NRG3: variants seen among roughly 807,000 people sequenced by gnomAD.
NRG3 encodes the protein pro-neuregulin-3, membrane-bound isoform.
A neutral mutation model predicts 66.9 loss-of-function variants in NRG3; 31 were observed. The ratio of observed to expected loss-of-function variants is 0.46; its 90% CI spans 0.35 to 0.63. NRG3 has a LOEUF of 0.63. Among genes scored for constraint, NRG3 ranks in the 20% least tolerant of loss-of-function variants. NRG3 has a pLI of 0.00. For missense variants in NRG3, 910 were observed against 878.9 expected (o/e 1.04, Z -0.45); for synonymous variants, 393 against 359.4 (o/e 1.09, Z -1.06).
At chr10:81,953,806 G>A (rs1849585060) in intron 1 of NRG3, among the ~76,000 whole-genome samples, 1 of 152,152 alleles carries the variant, frequency 6.6e-6, no homozygotes. Flanking sequence ...AATGAAAGCA[G>A]AACTTTTTCA....
At chr10:82,601,773 G>C (rs941567710) in intron 2 of NRG3, among the ~76,000 whole-genome samples, 6 of 150,156 alleles carry the variant, frequency 4.0e-5, no homozygotes, top group Non-Finnish European at 8.9e-5. Flanking sequence ...ACTTTGGGAG[G>C]TCGAGGCGGA....
rs373457036 is a variant in NRG3, at chr10:82,813,322, T to C, written c.1028-52089T>C. Among the ~76,000 whole-genome samples the C allele has an allele frequency of 4.0e-5, 6 of 150,968 alleles. No homozygotes were observed. In the East Asian group the frequency reaches 8.0e-4, roughly 20 times the overall value. On this transcript the variant is annotated intron_variant, in intron 3 of 8. Coordinates refer to ENST00000372141, the MANE Select transcript of NRG3 (RefSeq NM_001010848.4). Reference sequence around the variant, plus strand: ...TCTTCCTCCCAGGCTCAAGTGATTCTCCTGCCTCAGCCTCCTGAGTAGCTG... The same window carrying C: ...TCTTCCTCCCAGGCTCAAGTGATTCCCCTGCCTCAGCCTCCTGAGTAGCTG...
At chr10:82,170,694 A>ATG (rs2072536165) in intron 1 of NRG3, among the ~76,000 whole-genome samples, 1 of 137,398 alleles carries the variant, frequency 7.3e-6, no homozygotes, top group African/African-American at 2.6e-5. Flanking sequence ...ATATATATAT[A>ATG]TATGTAAATA....
intron 2 of NRG3, among the ~76,000 whole-genome samples, chr10:82,715,884 A>G (rs1459131011): frequency 1.3e-5 from 2 of 152,000 alleles, no homozygotes; most frequent in East Asian, 1.9e-4. Context: ...CAGACTACCA[A>G]CTTCTCCTTG....
rs141221416 is a variant in NRG3 at position 82,760,142 on chromosome 10, A to G, written c.1027+21492A>G. Among the ~76,000 whole-genome samples, 496 of 152,240 alleles carry G rather than the reference A, an allele frequency of 3.3e-3. 4 individuals are homozygous for G. Among genetic ancestry groups the G allele is most frequent in the African/African-American group, 0.012 (484 of 41,564 alleles). On this transcript the variant is annotated intron_variant, in intron 3 of 8. Coordinates refer to ENST00000372141, the MANE Select transcript of NRG3 (RefSeq NM_001010848.4). ...GAGGTTTAATTTACTCTCAGCATGT[A>G]GCATGGGAACCTTTTTGCCTGAGTT...
chr10:82,667,582 G>A (rs1024192352), intron 2 of NRG3, among the ~76,000 whole-genome samples: 21 of 152,116 alleles, frequency 1.4e-4, no homozygotes, highest in Non-Finnish European at 2.6e-4. Flanking sequence ...ATGACGAAAG[G>A]AGAGGAGAAT....
chr10:82,854,709 A>G (rs1172743428), intron 3 of NRG3, among the ~76,000 whole-genome samples: 1 of 152,154 alleles, frequency 6.6e-6, no homozygotes, highest in South Asian at 2.1e-4. Flanking sequence ...ATGTGAGTTC[A>G]TCTTGTCTTA....
At chr10:82,110,990 T>C (rs940996788) in intron 1 of NRG3, among the ~76,000 whole-genome samples, 1 of 152,196 alleles carries the variant, frequency 6.6e-6, no homozygotes, top group African/African-American at 2.4e-5. Flanking sequence ...AAGAGGATTA[T>C]AGGAATTCTC....
chr10:82,758,503 T>C (rs1221340128), intron 3 of NRG3, among the ~76,000 whole-genome samples: 1 of 152,090 alleles, frequency 6.6e-6, no homozygotes, highest in African/African-American at 2.4e-5. Context: ...TATGAATAAA[T>C]GTATGACATC....
At chr10:82,200,324 C>T (rs1377826165) in intron 1 of NRG3, among the ~76,000 whole-genome samples, 1 of 152,132 alleles carries the variant, frequency 6.6e-6, no homozygotes, top group East Asian at 1.9e-4. Context: ...TCCTGACACA[C>T]TGATATGAAC....
intron 1 of NRG3, among the ~76,000 whole-genome samples, chr10:82,199,361 T>G (rs2074646386): frequency 6.6e-6 from 1 of 152,166 alleles, no homozygotes; most frequent in Non-Finnish European, 1.5e-5. Context: ...CTTCTCTCCC[T>G]GCACTCTAAT....
chr10:82,472,378 G>A (rs1027856137), intron 2 of NRG3, among the ~76,000 whole-genome samples: 3 of 152,324 alleles, frequency 2.0e-5, no homozygotes, highest in African/African-American at 4.8e-5. Context: ...AGCTTCACAG[G>A]TATATAAGTG....
intron 2 of NRG3, among the ~76,000 whole-genome samples, chr10:82,495,352 C>T (rs1386303360): frequency 6.6e-6 from 1 of 152,086 alleles, no homozygotes; most frequent in African/African-American, 2.4e-5. Flanking sequence ...TAGGATTTTT[C>T]ATTGAGAAAA....
intron 1 of NRG3, among the ~76,000 whole-genome samples, chr10:82,136,988 C>A (rs774185691): frequency 6.6e-6 from 1 of 152,208 alleles, no homozygotes; most frequent in Non-Finnish European, 1.5e-5. Flanking sequence ...TTCAGTACCT[C>A]TTTCATTAAT....
chr10:81,992,424 G>C (rs1052441149), intron 1 of NRG3, among the ~76,000 whole-genome samples: 1 of 152,126 alleles, frequency 6.6e-6, no homozygotes, highest in Admixed American at 6.6e-5. Context: ...GGAAGTGGAA[G>C]AACATTGGCC....
intron 1 of NRG3, among the ~76,000 whole-genome samples, chr10:82,051,090 T>C (rs868641052): frequency 7.0e-4 from 106 of 152,150 alleles, no homozygotes; most frequent in African/African-American, 2.2e-3. Context: ...TTGATATTTA[T>C]CTATTTTCAT....
chr10:81,979,064 C>T (rs558323663), intron 1 of NRG3, among the ~76,000 whole-genome samples: 12 of 152,104 alleles, frequency 7.9e-5, no homozygotes, highest in African/African-American at 2.7e-4. Context: ...TGGCGCACGC[C>T]TGTAGTCCCA....
intron 2 of NRG3, among the ~76,000 whole-genome samples, chr10:82,643,696 G>C: frequency 6.6e-6 from 1 of 151,926 alleles, no homozygotes; most frequent in East Asian, 1.9e-4. Context: ...TTATTAAATA[G>C]TCTAATCTTT....
At chr10:82,140,941 A>C (rs1308367861) in intron 1 of NRG3, among the ~76,000 whole-genome samples, 2 of 152,112 alleles carry the variant, frequency 1.3e-5, no homozygotes, top group African/African-American at 4.8e-5. Context: ...CATGAATGCA[A>C]ATAAATTCTA....
Sources: allele counts gnomAD v4.1 joint callset (sites outside exome capture counted in the v4.1 genomes callset), GRCh38; gene constraint gnomAD v4.1.1; transcripts MANE v1.5; gene names NCBI Gene and HGNC (gene_info 2026-07-23, HGNC 2026-07-21).